Variants in TOX2 observed in about 807,000 individuals in gnomAD.
TOX2 encodes the protein TOX high mobility group box family member 2, also known as granulosa cell HMG box 1.
A neutral mutation model predicts 47.4 loss-of-function variants in TOX2; 15 were observed. The ratio of observed to expected loss-of-function variants is 0.32; its 90% confidence interval spans 0.21 to 0.49. The LOEUF (loss-of-function observed/expected upper bound fraction) is 0.49. TOX2 is among the 20% of genes least tolerant of loss of function. The probability of loss-of-function intolerance (pLI) is 0.99; values close to 1 mark genes in which losing one functional copy is unlikely to be tolerated. For missense variants in TOX2, 622 were observed against 673.1 expected (o/e 0.92, Z 0.84); for synonymous variants, 290 against 296.6 (o/e 0.98, Z 0.23).
At chr20:44,010,692 G>A (rs569920981) in intron 3 of TOX2, among the ~76,000 whole-genome samples, 9 of 152,190 alleles carry the variant, frequency 5.9e-5, no homozygotes, top group Non-Finnish European at 1.2e-4. Context: ...TTCAAGCACC[G>A]TGCAGAGGGC....
At chr20:44,031,150 A>C (rs1188063376) in intron 3 of TOX2, among the ~76,000 whole-genome samples, 3 of 152,086 alleles carry the variant, frequency 2.0e-5, no homozygotes, top group Non-Finnish European at 4.4e-5. Flanking sequence ...AGGTGGGCCA[A>C]GTGGTACACA....
chr20:43,928,634 G>T (rs758253104), intron 1 of TOX2, among the ~76,000 whole-genome samples: 3 of 152,202 alleles, frequency 2.0e-5, no homozygotes, highest in Non-Finnish European at 4.4e-5. Flanking sequence ...CCATGCTTCT[G>T]TCTGACGCTC....
At chr20:43,938,442 T>A (rs2069357263) in intron 1 of TOX2, among the ~76,000 whole-genome samples, 1 of 152,194 alleles carries the variant, frequency 6.6e-6, no homozygotes, top group Non-Finnish European at 1.5e-5. Context: ...GGAAAGCACG[T>A]CTCAAATGAG....
chr20:44,006,561 G>C lies in TOX2; in HGVS notation c.180G>C (p.Gln60His). ...LLSTSQTYNGQSENNEDYEIP... is the reference protein window; with the variant it reads ...LLSTSQTYNGHSENNEDYEIP... ...TGATGTTTTAGACCTACAACGGCCA[G>C]AGCGAGAACAACGAAGACTATGAGA... The change falls in exon 3 of 9, where the codon CAG (glutamine) becomes CAC (histidine). Residue 60 changes from glutamine to histidine, a missense_variant. Gln to His is a conservative substitution (Grantham distance 24). Transcript: ENST00000341197. The C allele has an allele frequency of 1.9e-6, 3 of 1,613,338 alleles. No individual in the cohort carries two copies. Among genetic ancestry groups the C allele is most frequent in the Non-Finnish European group, 2.5e-6 (3 of 1,179,916 alleles).
intron 3 of TOX2, chr20:44,007,343 T>C (rs765437496): frequency 1.3e-5 from 2 of 154,164 alleles, no homozygotes; most frequent in Non-Finnish European, 2.9e-5. Flanking sequence ...TAGTGCCCTA[T>C]GCAAATCAGT....
Position 43,951,707 on chromosome 20 carries a change from G to GGTTTTTTTTTTTTTTTTTTTTT in TOX2, c.100-21660_100-21659insGTTTTTTTTTTTTTTTTTTTTT, listed in dbSNP as rs745489872. Among the ~76,000 whole-genome samples, 98 of 55,084 alleles carry GGTTTTTTTTTTTTTTTTTTTTT rather than the reference G, an allele frequency of 1.8e-3. 7 individuals are homozygous for GGTTTTTTTTTTTTTTTTTTTTT. Among genetic ancestry groups the GGTTTTTTTTTTTTTTTTTTTTT allele is most frequent in the East Asian group, 0.015 (29 of 1,886 alleles). The allele number at this position is 55,084 out of a possible 152,430, so 36.1% of individuals were successfully genotyped here. ...TGACCATTACTATTAAACTTATTAT[G>GGTTTTTTTTTTTTTTTTTTTTT]TTTTTTTTTTTTTTTTTTTTTAGAG... On this transcript the variant is annotated intron_variant, in intron 1 of 8. Coordinates refer to ENST00000341197, the MANE Select transcript of TOX2 (RefSeq NM_001098797.2).
chr20:43,984,100 G>T (rs977040976), intron 2 of TOX2, among the ~76,000 whole-genome samples: 1 of 152,210 alleles, frequency 6.6e-6, no homozygotes, highest in Non-Finnish European at 1.5e-5. Context: ...ACCCGCTGTG[G>T]TGCGGAGAAG....
At chr20:44,046,345 A>G (rs962533615) in intron 3 of TOX2, among the ~76,000 whole-genome samples, 62 of 152,358 alleles carry the variant, frequency 4.1e-4, no homozygotes, top group African/African-American at 1.4e-3. Context: ...TAAATTTTAG[A>G]GAGAAACTGC....
intron 1 of TOX2, among the ~76,000 whole-genome samples, chr20:43,935,927 CAAAAAAAAA>C: frequency 1.4e-5 from 1 of 72,040 alleles, no homozygotes; most frequent in Non-Finnish European, 2.7e-5. Context: ...AACTCCATCC[CAAAAAAAAA>C]AAAAAAAAAA....
chr20:43,956,111 G>A (rs996443708), intron 1 of TOX2, among the ~76,000 whole-genome samples: 3 of 152,096 alleles, frequency 2.0e-5, no homozygotes, highest in African/African-American at 7.2e-5. Flanking sequence ...GCATGCTGCG[G>A]GTAGATCTGC....
intron 3 of TOX2, among the ~76,000 whole-genome samples, chr20:44,045,024 T>C (rs772741436): frequency 1.3e-5 from 2 of 152,230 alleles, no homozygotes; most frequent in South Asian, 4.1e-4. Flanking sequence ...GAAAGAATAC[T>C]GTGTGATTCC....
intron 2 of TOX2, among the ~76,000 whole-genome samples, chr20:43,977,787 G>T (rs1461111675): frequency 6.6e-6 from 1 of 152,164 alleles, no homozygotes; most frequent in Admixed American, 6.5e-5. Flanking sequence ...GCTCCAGGGG[G>T]GTAGAGGACC....
intron 3 of TOX2, among the ~76,000 whole-genome samples, chr20:44,042,933 G>A (rs1569127458): frequency 6.6e-6 from 1 of 152,192 alleles, no homozygotes; most frequent in Non-Finnish European, 1.5e-5. Context: ...GGGTTGTAAG[G>A]GAAAGGGAGA....
intron 2 of TOX2, among the ~76,000 whole-genome samples, chr20:43,995,740 C>T (rs1245127024): frequency 6.6e-6 from 1 of 152,146 alleles, no homozygotes; most frequent in African/African-American, 2.4e-5. Context: ...TTAGCTCTCA[C>T]TTGTGAGTGA....
chr20:43,967,193 C>T (rs1172693091), intron 1 of TOX2, among the ~76,000 whole-genome samples: 3 of 152,058 alleles, frequency 2.0e-5, no homozygotes, highest in Admixed American at 2.0e-4. Context: ...CAGGGGAGTG[C>T]TGGAGAAACA....
At chr20:43,999,104 T>G (rs1347647978) in intron 2 of TOX2, among the ~76,000 whole-genome samples, 1 of 152,232 alleles carries the variant, frequency 6.6e-6, no homozygotes. Flanking sequence ...ATTTTAGGCA[T>G]GTCTATTATA....
chr20:44,035,138 G>T (rs990761850), intron 3 of TOX2, among the ~76,000 whole-genome samples: 1 of 152,318 alleles, frequency 6.6e-6, no homozygotes, highest in Non-Finnish European at 1.5e-5. Flanking sequence ...GGGACCTCTT[G>T]TCTCCTCTCT....
At chr20:43,939,373 G>A (rs1383126401) in intron 1 of TOX2, among the ~76,000 whole-genome samples, 4 of 152,160 alleles carry the variant, frequency 2.6e-5, no homozygotes, top group Non-Finnish European at 4.4e-5. Context: ...TAAGAAGAAA[G>A]GGCAAAACCT....
chr20:43,939,719 C>G (rs187021650), intron 1 of TOX2, among the ~76,000 whole-genome samples: 65 of 152,328 alleles, frequency 4.3e-4, no homozygotes, highest in African/African-American at 1.3e-3. Flanking sequence ...GCTTACTTAA[C>G]TCCTCTGAGC....
Sources: allele counts gnomAD v4.1 joint callset (sites outside exome capture counted in the v4.1 genomes callset), GRCh38; gene constraint gnomAD v4.1.1; transcripts MANE v1.5; gene names NCBI Gene and HGNC (gene_info 2026-07-23, HGNC 2026-07-21).